RFX6: variants seen among roughly 807,000 people sequenced by gnomAD.
The protein encoded by RFX6 is regulatory factor X6, also known as DNA-binding protein RFX6.
Under a neutral mutation model 110.8 loss-of-function variants are expected in RFX6, and 50 were observed. The observed-to-expected ratio is 0.45, with a 90% CI of 0.36 to 0.57. RFX6 has a LOEUF of 0.57. Ranked by LOEUF, RFX6 falls within the 20% of genes least tolerant of loss-of-function variation. The pLI is 0.00. For missense variants in RFX6, 990 were observed against 1,127.0 expected (o/e 0.88, Z 1.74); for synonymous variants, 383 against 411.2 (o/e 0.93, Z 0.83).
At chr6:116,911,124 C>A (rs1775340749) in intron 7 of RFX6, 82 bp downstream of exon 7, 1 of 967,412 alleles carries the variant, frequency 1.0e-6, no homozygotes, top group Non-Finnish European at 1.7e-6. Context: ...CATGGTACTG[C>A]AGGAAGCAAT....
chr6:116,915,240 A>C (rs1198797720), intron 7 of RFX6, among the ~76,000 whole-genome samples: 1 of 152,228 alleles, frequency 6.6e-6, no homozygotes, highest in East Asian at 1.9e-4. Flanking sequence ...TAACTTGAAA[A>C]GAGAGACTTT....
chr6:116,908,869 A>G (rs1427918865), intron 6 of RFX6, among the ~76,000 whole-genome samples: 1 of 152,112 alleles, frequency 6.6e-6, no homozygotes, highest in Non-Finnish European at 1.5e-5. Context: ...GTACTTATAT[A>G]CTACTGAATT....
In RFX6 at chr6:116,927,052, T is replaced by C. The variant is rs1235459583; in HGVS notation, c.1911T>C (p.Ala637=). 1 of 1,613,994 alleles carries C rather than the reference T, an allele frequency of 6.2e-7. No individual in the cohort carries two copies. The highest frequency in any genetic ancestry group is 8.5e-7 in the Non-Finnish European group (1 of 1,179,946). ...GTCAAATGGAGCTTTCACAGATTGC[T>C]GGTCATCTGATGACACCACCCATTT... is the stretch of plus-strand genomic sequence containing the variant. The part of the protein sequence containing the change: ...LTGQMELSQI[A]GHLMTPPISP... Residue 637 remains alanine, a synonymous_variant, in exon 17 of 19, where the codon GCT becomes GCC. Transcript: ENST00000332958.
chr6:116,915,895 G>C (rs533752800), intron 7 of RFX6, 113 bp from the exon 8 acceptor site: 1 of 799,446 alleles, frequency 1.3e-6, no homozygotes, highest in Non-Finnish European at 2.2e-6. Context: ...TCAACATTGA[G>C]CATACTGCTT....
chr6:116,891,385 G>A (rs1462996208), intron 4 of RFX6, among the ~76,000 whole-genome samples: 1 of 152,146 alleles, frequency 6.6e-6, no homozygotes, highest in Non-Finnish European at 1.5e-5. Context: ...TTAGAGTTGA[G>A]AAACAAGAAA....
At chr6:116,904,430 C>T (rs1775150351) in intron 6 of RFX6, among the ~76,000 whole-genome samples, 1 of 151,878 alleles carries the variant, frequency 6.6e-6, no homozygotes, top group African/African-American at 2.4e-5. Context: ...ACAATATTCT[C>T]TATAAATTAC....
At chr6:116,908,621 TGATA>T (rs1336382111) in intron 6 of RFX6, among the ~76,000 whole-genome samples, 2 of 151,770 alleles carry the variant, frequency 1.3e-5, no homozygotes, top group Admixed American at 6.6e-5. Context: ...TGTGGGCTTC[TGATA>T]GATATTCTTT....
rs889858758 is a variant in RFX6, at chr6:116,888,568, T to C, written c.567-5419T>C. ...TTTCGAGCATTTATCATATATCTTC[T>C]TTAATAGAAATGGATAATAATCATA... On this transcript the variant is annotated intron_variant, in intron 4 of 18. Transcript: ENST00000332958. 5.9e-5 allele frequency among the ~76,000 whole-genome samples: 9 copies of C among 152,282 alleles called. No individual in the cohort carries two copies. The East Asian group carries it at 1.7e-3, about 29-fold the overall frequency.
intron 5 of RFX6, 35 bp from the exon 6 acceptor site, chr6:116,895,145 G>C: frequency 8.0e-7 from 1 of 1,256,442 alleles, no homozygotes; most frequent in Non-Finnish European, 1.2e-6. Flanking sequence ...CTGTAATTTT[G>C]TTTGAACTAA....
At chr6:116,880,338 A>C (rs1025854654) in intron 2 of RFX6, among the ~76,000 whole-genome samples, 1 of 152,090 alleles carries the variant, frequency 6.6e-6, no homozygotes, top group Non-Finnish European at 1.5e-5. Context: ...TAACTGTACT[A>C]GCAGATTTTT....
At position 116,928,834 on chromosome 6, in the gene RFX6, T is replaced by G; in HGVS notation, c.2474T>G (p.Ile825Ser). ...ATGGTGAATCAGCACGTTTCTGTCA[T>G]CAGCAGCATTCGTTCACTGCCCCCC... ...GSMVNQHVSV[I>S]SSIRSLPPYS... Residue 825 changes from isoleucine (I) to serine (S), a missense_variant, in exon 18 of 19, where the codon ATC (isoleucine) becomes AGC (serine). Transcript: ENST00000332958. 1 of 1,614,026 alleles carries G rather than the reference T, an allele frequency of 6.2e-7. No homozygotes were observed. The highest frequency in any genetic ancestry group is 1.1e-5 in the South Asian group (1 of 91,080).
Position 116,882,409 on chromosome 6 carries a change from G to C in RFX6, c.547G>C (p.Gly183Arg), listed in dbSNP as rs1774608638. 1 of 1,612,248 alleles carries C rather than the reference G, an allele frequency of 6.2e-7. No homozygotes were observed. Among genetic ancestry groups the C allele is most frequent in the Admixed American group, 1.7e-5 (1 of 59,932 alleles). Residue 183 changes from glycine to arginine, a missense_variant, in exon 4 of 19, where the codon GGA (glycine) becomes CGA (arginine). By Grantham distance (125) the Gly-to-Arg change is moderately radical (BLOSUM62 -2). Coordinates refer to ENST00000332958, the MANE Select transcript of RFX6 (RefSeq NM_173560.4). Reference protein sequence around the residue: ...KFPLLTTRRLGTRGHSKYHYY... With the variant: ...KFPLLTTRRLRTRGHSKYHYY... Reference sequence around the variant, plus strand: ...TCCCCTCCTAACAACAAGGCGGCTTGGAACAAGAGGCCATTCAAAGTAAGA... The same window carrying C: ...TCCCCTCCTAACAACAAGGCGGCTTCGAACAAGAGGCCATTCAAAGTAAGA...
At chr6:116,882,074 T>G (rs1320234268) in intron 3 of RFX6, among the ~76,000 whole-genome samples, 1 of 152,090 alleles carries the variant, frequency 6.6e-6, no homozygotes, top group Non-Finnish European at 1.5e-5. Flanking sequence ...ACTCCATACA[T>G]AAATAAAGTA....
At chr6:116,879,879 A>T (rs1562131050) in intron 2 of RFX6, among the ~76,000 whole-genome samples, 1 of 152,014 alleles carries the variant, frequency 6.6e-6, no homozygotes. Flanking sequence ...TTATTTTTAT[A>T]ATATAAAGTT....
At position 116,928,977 on chromosome 6, in the gene RFX6, T is replaced by C. The variant is rs750246206; in HGVS notation, c.2611+6T>C. On this transcript the variant is annotated splice_donor_region_variant and intron_variant, in intron 18 of 18. Coordinates refer to ENST00000332958, the MANE Select transcript of RFX6 (RefSeq NM_173560.4). Reference sequence around the variant, plus strand: ...ATGTCGAACTCCAGTCCTAGGTAAATTATTTTAGCAGTTCTTGAAAACATT... The same window carrying C: ...ATGTCGAACTCCAGTCCTAGGTAAACTATTTTAGCAGTTCTTGAAAACATT... 1 of 1,570,076 alleles carries C rather than the reference T, an allele frequency of 6.4e-7. No individual in the cohort carries two copies. The highest frequency in any genetic ancestry group is 2.2e-5 in the East Asian group (1 of 44,674).
intron 4 of RFX6, among the ~76,000 whole-genome samples, 181 bp downstream of exon 4, chr6:116,882,609 A>C (rs1774614213): frequency 6.6e-6 from 1 of 152,122 alleles, no homozygotes; most frequent in Non-Finnish European, 1.5e-5. Flanking sequence ...TTAAAAAGCA[A>C]ATTTTACATT....
At chr6:116,923,273 G>A (rs1295676833) in intron 14 of RFX6, 49 bp downstream of exon 14, 1 of 902,416 alleles carries the variant, frequency 1.1e-6, no homozygotes, top group Non-Finnish European at 1.9e-6. Flanking sequence ...TATATAATTT[G>A]TTCCTCAGTC....
Position 116,880,537 on chromosome 6 carries a change from T to C in RFX6, c.381-7T>C, listed in dbSNP as rs889785738. 6.2e-7 allele frequency: 1 copy of C among 1,611,962 alleles called. No homozygotes were observed. The highest frequency in any genetic ancestry group is 8.5e-7 in the Non-Finnish European group (1 of 1,178,558). ...TATTTGACCTAATTTTTGTTCCTTT[T>C]TCTTAGGCTTGAAGAGAATTACATT... On this transcript the variant is annotated splice_region_variant and splice_polypyrimidine_tract_variant and intron_variant, in intron 2 of 18. Coordinates refer to ENST00000332958, the MANE Select transcript of RFX6 (RefSeq NM_173560.4).
At chr6:116,908,394 A>T (rs533716918) in intron 6 of RFX6, among the ~76,000 whole-genome samples, 68 of 152,138 alleles carry the variant, frequency 4.5e-4, no homozygotes, top group African/African-American at 1.5e-3. Context: ...TTTTTGTGTA[A>T]TTTGTTTTAG....
Sources: allele counts gnomAD v4.1 joint callset (sites outside exome capture counted in the v4.1 genomes callset), GRCh38; gene constraint gnomAD v4.1.1; transcripts MANE v1.5; gene names NCBI Gene and HGNC (gene_info 2026-07-23, HGNC 2026-07-21).